The following SLC2A14 variants were observed in gnomAD, a reference collection of about 807,000 sequenced individuals.
SLC2A14 encodes the protein solute carrier family 2, facilitated glucose transporter member 14.
In SLC2A14, 13 loss-of-function variants were observed where a neutral mutation model predicts 43.0. The observed-to-expected ratio is 0.30, with a 90% CI of 0.20 to 0.48. The LOEUF is 0.48. Ranked by LOEUF, SLC2A14 falls within the 20% of genes least tolerant of loss-of-function variation. SLC2A14 has a pLI of 0.99. For missense variants in SLC2A14, 428 were observed against 620.4 expected (o/e 0.69, Z 3.29); for synonymous variants, 190 against 233.8 (o/e 0.81, Z 1.71).
chr12:7,835,871 C>T (rs1298650888), intron 2 of SLC2A14, among the ~76,000 whole-genome samples: 1 of 152,174 alleles, frequency 6.6e-6, no homozygotes, highest in Non-Finnish European at 1.5e-5. Context: ...AGGCAGAGTT[C>T]ACTTTGAATT....
At chr12:7,869,776 A>G in intron 2 of SLC2A14, 87 bp downstream of exon 2, 2 of 852,762 alleles carry the variant, frequency 2.3e-6, no homozygotes, top group Non-Finnish European at 3.7e-6. Context: ...TCAAGACATG[A>G]AAAGTTTAGG....
chr12:7,883,597 T>TC (rs1279379562), intron 1 of SLC2A14, among the ~76,000 whole-genome samples: 2 of 103,776 alleles, frequency 1.9e-5, no homozygotes, highest in African/African-American at 6.9e-5. Flanking sequence ...TTTCTTTTTT[T>TC]TTTTTTTTTT....
At chr12:7,871,473 C>A in intron 1 of SLC2A14, 1 of 170,180 alleles carries the variant, frequency 5.9e-6, no homozygotes. Context: ...ACGACCTTCT[C>A]TCAGGGGATC....
At chr12:7,879,330 C>CAACA (rs1555149805) in intron 1 of SLC2A14, among the ~76,000 whole-genome samples, 2,497 of 144,788 alleles carry the variant, frequency 0.017, 61 homozygotes, top group Admixed American at 0.046. Context: ...CAAACAACAA[C>CAACA]AAAAAAAAAC....
chr12:7,859,640 A>T (rs1944437184), intron 2 of SLC2A14, among the ~76,000 whole-genome samples: 1 of 152,122 alleles, frequency 6.6e-6, no homozygotes, highest in Non-Finnish European at 1.5e-5. Context: ...AGGAATGGTG[A>T]AAACCAAGAG....
intron 2 of SLC2A14, among the ~76,000 whole-genome samples, chr12:7,863,751 G>T (rs1944747544): frequency 6.6e-6 from 1 of 152,010 alleles, no homozygotes; most frequent in Non-Finnish European, 1.5e-5. Context: ...GAAGCCAAAA[G>T]CCTAACTTCC....
intron 2 of SLC2A14, among the ~76,000 whole-genome samples, chr12:7,869,071 G>C (rs1455434197): frequency 1.3e-5 from 2 of 151,008 alleles, no homozygotes; most frequent in Non-Finnish European, 3.0e-5. Context: ...TTGAACCCAG[G>C]AGGCGGAGGT....
intron 2 of SLC2A14, among the ~76,000 whole-genome samples, chr12:7,865,022 GTTTGTGGC>G (rs1372121979): frequency 6.6e-6 from 1 of 152,064 alleles, no homozygotes; most frequent in Non-Finnish European, 1.5e-5. Context: ...CAAATTGAAG[GTTTGTGGC>G]AATCCTATGT....
At chr12:7,882,453 G>A (rs1042378699) in intron 1 of SLC2A14, among the ~76,000 whole-genome samples, 4 of 152,086 alleles carry the variant, frequency 2.6e-5, no homozygotes, top group Non-Finnish European at 5.9e-5. Flanking sequence ...GTGAGACCAA[G>A]AATCCCCCAA....
rs951708100 is a variant in SLC2A14 at position 7,823,592 on chromosome 12, T to C, written c.865-2267A>G. ...AAAATTAGTAGGGCATGGTGGCGCATGCCTGTAATCCCAGCTACTCGGGAA... is the reference window on the plus strand; with the variant it reads ...AAAATTAGTAGGGCATGGTGGCGCACGCCTGTAATCCCAGCTACTCGGGAA... On this transcript the variant is annotated intron_variant, in intron 7 of 10. Coordinates refer to ENST00000431042, the MANE Select transcript of SLC2A14 (RefSeq NM_001286234.2). Among the ~76,000 whole-genome samples the C allele has an allele frequency of 2.6e-5, 4 of 151,740 alleles. No individual in the cohort carries two copies. The East Asian group carries it at 5.8e-4, about 22-fold the overall frequency.
chr12:7,829,083 G>T (rs1592178909), intron 5 of SLC2A14, among the ~76,000 whole-genome samples: 1 of 151,816 alleles, frequency 6.6e-6, no homozygotes, highest in East Asian at 1.9e-4. Context: ...CGTGATGGTG[G>T]GCACCTGCAA....
At chr12:7,820,517 C>T (rs930235859) in intron 8 of SLC2A14, among the ~76,000 whole-genome samples, 3 of 152,086 alleles carry the variant, frequency 2.0e-5, no homozygotes, top group Non-Finnish European at 4.4e-5. Flanking sequence ...CACAGGACAC[C>T]TAGATAGTGT....
upstream of SLC2A14, among the ~76,000 whole-genome samples, chr12:7,875,711 G>A (rs1048115562): frequency 6.6e-6 from 1 of 152,010 alleles, no homozygotes; most frequent in Non-Finnish European, 1.5e-5. Flanking sequence ...AGTGGCTCAA[G>A]CCTGTAATCC....
intron 2 of SLC2A14, among the ~76,000 whole-genome samples, chr12:7,841,435 A>G (rs1382890087): frequency 6.6e-6 from 1 of 151,972 alleles, no homozygotes; most frequent in East Asian, 2.0e-4. Context: ...TAATTTTTGT[A>G]TTTTTAGTAG....
intron 1 of SLC2A14, chr12:7,871,971 A>C: frequency 1.3e-6 from 1 of 778,996 alleles, no homozygotes; most frequent in Non-Finnish European, 1.6e-6. Flanking sequence ...AAAAAACAAA[A>C]AAAAGAAAAA....
At chr12:7,814,580 C>T (rs750973779) in intron 10 of SLC2A14, 46 bp from the exon 11 acceptor site, 15 of 1,574,092 alleles carry the variant, frequency 9.5e-6, no homozygotes, top group Middle Eastern at 1.7e-4. Flanking sequence ...AAAATCTGGT[C>T]ATTGACAAAT....
chr12:7,841,773 C>T (rs146426940), intron 2 of SLC2A14, among the ~76,000 whole-genome samples: 1,873 of 152,052 alleles, frequency 0.012, 37 homozygotes, highest in African/African-American at 0.042. Flanking sequence ...TTTGGGAGGC[C>T]AAGGTGGGCA....
At chr12:7,890,406 C>T (rs904818257) in intron 1 of SLC2A14, among the ~76,000 whole-genome samples, 2 of 152,094 alleles carry the variant, frequency 1.3e-5, no homozygotes, top group East Asian at 1.9e-4. Context: ...CACTGAAGAT[C>T]GTCCAGTCTT....
At chr12:7,890,708 G>A (rs1056524494) in intron 1 of SLC2A14, 10 of 190,374 alleles carry the variant, frequency 5.3e-5, no homozygotes, top group African/African-American at 2.1e-4. Context: ...CTTTCACTCC[G>A]GAGGCTCTTA....
Sources: allele counts gnomAD v4.1 joint callset (sites outside exome capture counted in the v4.1 genomes callset), GRCh38; gene constraint gnomAD v4.1.1; transcripts MANE v1.5; gene names NCBI Gene and HGNC (gene_info 2026-07-23, HGNC 2026-07-21).